Variants in MYO1D observed in about 807,000 individuals in gnomAD.
The protein encoded by MYO1D is myosin ID.
In MYO1D, 83 loss-of-function variants were observed where a neutral mutation model predicts 122.0. The ratio of observed to expected loss-of-function variants is 0.68; its 90% CI spans 0.57 to 0.82. MYO1D has a LOEUF of 0.82. MYO1D is among the 40% of genes least tolerant of loss of function. MYO1D has a pLI of 0.00. For missense variants in MYO1D, 1,157 were observed against 1,269.5 expected (o/e 0.91, Z 1.35); for synonymous variants, 464 against 446.9 (o/e 1.04, Z -0.48).
rs546361249 is a variant in MYO1D, at chr17:32,563,496, C to T, written c.2864+41591G>A. Among the ~76,000 whole-genome samples the T allele has an allele frequency of 9.9e-5, 15 of 152,180 alleles. No homozygotes were observed. In the East Asian group the frequency reaches 2.5e-3, roughly 25 times the overall value. ...CCTCCAAAAGTGCTGGGATTACAGG[C>T]GTGTGCCACCGCACCCAGCCTGCAA... On this transcript the variant is annotated intron_variant, in intron 21 of 21. Transcript: ENST00000318217.
intron 21 of MYO1D, among the ~76,000 whole-genome samples, chr17:32,575,722 C>T (rs1443401725): frequency 6.6e-6 from 1 of 152,154 alleles, no homozygotes; most frequent in East Asian, 1.9e-4. Context: ...TGGAGTTTGC[C>T]TGGATCCTGC....
chr17:32,760,206 G>T (rs1228232154), intron 10 of MYO1D, 84 bp downstream of exon 10: 4 of 1,159,354 alleles, frequency 3.5e-6, no homozygotes, highest in Non-Finnish European at 5.1e-6. Flanking sequence ...ACCCCCAAAA[G>T]ATCAAGAAAT....
intron 1 of MYO1D, among the ~76,000 whole-genome samples, chr17:32,782,765 A>G (rs1467000720): frequency 1.3e-5 from 2 of 152,106 alleles, no homozygotes; most frequent in Non-Finnish European, 2.9e-5. Flanking sequence ...GTGAAACTCC[A>G]TCTCTACCAA....
chr17:32,650,243 T>A (rs1490710192), intron 19 of MYO1D, among the ~76,000 whole-genome samples: 1 of 152,250 alleles, frequency 6.6e-6, no homozygotes, highest in African/African-American at 2.4e-5. Flanking sequence ...ACTTTAAAGA[T>A]GTTGCTCCAC....
intron 12 of MYO1D, among the ~76,000 whole-genome samples, chr17:32,748,102 T>C (rs2089857005): frequency 6.6e-6 from 1 of 152,226 alleles, no homozygotes; most frequent in Non-Finnish European, 1.5e-5. Context: ...GGTTAATTTG[T>C]TACAGCAGCC....
At chr17:32,614,597 A>T (rs779883402) in intron 20 of MYO1D, among the ~76,000 whole-genome samples, 2 of 151,958 alleles carry the variant, frequency 1.3e-5, no homozygotes, top group Non-Finnish European at 2.9e-5. Context: ...TGTCTCTCCT[A>T]ATCTCCCTCC....
chr17:32,752,281 G>A (rs980877240), intron 11 of MYO1D, among the ~76,000 whole-genome samples: 1 of 152,136 alleles, frequency 6.6e-6, no homozygotes, highest in Non-Finnish European at 1.5e-5. Context: ...ACTAACTTAA[G>A]ATGAATTCAA....
chr17:32,662,494 A>T (rs942905047), intron 16 of MYO1D, among the ~76,000 whole-genome samples: 2 of 152,150 alleles, frequency 1.3e-5, no homozygotes, highest in Non-Finnish European at 2.9e-5. Flanking sequence ...AACATGGTGA[A>T]ACCCCGTCTC....
intron 16 of MYO1D, among the ~76,000 whole-genome samples, chr17:32,689,937 G>A (rs987796396): frequency 6.6e-6 from 1 of 151,924 alleles, no homozygotes; most frequent in Non-Finnish European, 1.5e-5. Context: ...CGTTGGTCAG[G>A]CTGGCCTTGA....
intron 4 of MYO1D, among the ~76,000 whole-genome samples, chr17:32,775,619 C>T (rs1401537667): frequency 6.6e-6 from 1 of 152,164 alleles, no homozygotes; most frequent in Non-Finnish European, 1.5e-5. Flanking sequence ...CACACTCATA[C>T]CTGTGCCCCC....
chr17:32,823,370 C>CAT (rs1018258584), intron 1 of MYO1D, among the ~76,000 whole-genome samples: 68 of 152,092 alleles, frequency 4.5e-4, no homozygotes, highest in African/African-American at 1.2e-3. Context: ...ATTTTATATA[C>CAT]ATATATATAT....
intron 16 of MYO1D, among the ~76,000 whole-genome samples, chr17:32,685,303 T>C (rs1475006452): frequency 6.6e-6 from 1 of 152,182 alleles, no homozygotes; most frequent in Non-Finnish European, 1.5e-5. Context: ...CAACTCTTGG[T>C]TGGATTATTT....
chr17:32,671,202 G>A (rs929480462), intron 16 of MYO1D, among the ~76,000 whole-genome samples: 1 of 152,248 alleles, frequency 6.6e-6, no homozygotes, highest in African/African-American at 2.4e-5. Context: ...GGGCATCACT[G>A]CATTCCCCTG....
At chr17:32,759,159 A>G (rs1160679068) in intron 10 of MYO1D, among the ~76,000 whole-genome samples, 1 of 152,118 alleles carries the variant, frequency 6.6e-6, no homozygotes, top group Admixed American at 6.6e-5. Flanking sequence ...TTGTATTAGG[A>G]GAGTTCATTA....
intron 1 of MYO1D, among the ~76,000 whole-genome samples, chr17:32,870,430 G>C (rs1490190523): frequency 6.6e-6 from 1 of 151,944 alleles, no homozygotes; most frequent in African/African-American, 2.4e-5. Flanking sequence ...GACACCCTTT[G>C]TCCCACCAAA....
chr17:32,747,606 G>A (rs2089851106), intron 12 of MYO1D, among the ~76,000 whole-genome samples: 1 of 152,106 alleles, frequency 6.6e-6, no homozygotes, highest in Non-Finnish European at 1.5e-5. Flanking sequence ...GGAGGCCAAG[G>A]CGGGCAGATC....
At chr17:32,869,581 T>G (rs1224163845) in intron 1 of MYO1D, among the ~76,000 whole-genome samples, 1 of 152,216 alleles carries the variant, frequency 6.6e-6, no homozygotes. Context: ...AGGTCACTCC[T>G]AGAGATAGTG....
At chr17:32,516,733 T>C (rs1168416433) in intron 21 of MYO1D, among the ~76,000 whole-genome samples, 1 of 152,256 alleles carries the variant, frequency 6.6e-6, no homozygotes, top group Admixed American at 6.5e-5. Context: ...CTGCTGTGTG[T>C]GTTTACAGCT....
chr17:32,706,454 C>A (rs1340199374), intron 16 of MYO1D, among the ~76,000 whole-genome samples: 1 of 152,076 alleles, frequency 6.6e-6, no homozygotes, highest in African/African-American at 2.4e-5. Context: ...ACACTTAAAG[C>A]CAGGTTCTCA....
Sources: allele counts gnomAD v4.1 joint callset (sites outside exome capture counted in the v4.1 genomes callset), GRCh38; gene constraint gnomAD v4.1.1; transcripts MANE v1.5; gene names NCBI Gene and HGNC (gene_info 2026-07-23, HGNC 2026-07-21).